The following SPTA1 variants were observed in gnomAD, a reference collection of about 807,000 sequenced individuals.
SPTA1 encodes spectrin alpha, erythrocytic 1.
Under a neutral mutation model 324.7 loss-of-function variants are expected in SPTA1, and 177 were observed. The observed-to-expected ratio is 0.55, with a 90% confidence interval of 0.48 to 0.62. The LOEUF (loss-of-function observed/expected upper bound fraction) is 0.62. Among genes scored for constraint, SPTA1 ranks in the 20% least tolerant of loss-of-function variants. The pLI is 0.00. For missense variants in SPTA1, 3,162 were observed against 2,883.6 expected, an observed-to-expected ratio of 1.10 and a Z score of -2.21; for synonymous variants, 1,195 against 1,041.3, an observed-to-expected ratio of 1.15 and a Z score of -2.84.
In SPTA1 at chr1:158,685,329, G is replaced by A; in HGVS notation, c.43C>T (p.Pro15Ser). ...PKETVVESSG[P>S]KVLETAEEIQ... ...TCTTCTGCTGTTTCCAAAACCTTTG[G>A]CCCACTGCTCTCCACAACCTGCAAG... Residue 15 changes from proline (P) to serine (S), a missense_variant, in exon 2 of 52, where the codon CCA becomes TCA. Pro to Ser is a moderately conservative substitution (Grantham distance 74). Transcript: ENST00000643759. 1.9e-6 allele frequency: 3 copies of A among 1,613,370 alleles called. No individual in the cohort carries two copies. The highest frequency in any genetic ancestry group is 1.7e-6 in the Non-Finnish European group (2 of 1,179,760).
intron 29 of SPTA1, 114 bp downstream of exon 29, chr1:158,645,074 C>T (rs1456076648): frequency 9.3e-7 from 1 of 1,073,074 alleles, no homozygotes; most frequent in African/African-American, 1.6e-5. Context: ...AGATGAGCTC[C>T]CTTTGTGTTT....
chr1:158,634,901 C>G (rs1650952970), intron 38 of SPTA1, among the ~76,000 whole-genome samples: 1 of 152,144 alleles, frequency 6.6e-6, no homozygotes, highest in South Asian at 2.1e-4. Flanking sequence ...GTGGCACCAT[C>G]TACTGTCTTA....
At chr1:158,635,488 T>C (rs893234941) in intron 38 of SPTA1, among the ~76,000 whole-genome samples, 1 of 152,158 alleles carries the variant, frequency 6.6e-6, no homozygotes, top group Admixed American at 6.5e-5. Context: ...TTTATATCAA[T>C]GTGAGAACGG....
chr1:158,683,844 TA>T (rs35392691), intron 2 of SPTA1, among the ~76,000 whole-genome samples: 114,400 of 150,776 alleles, frequency 0.76, 44,398 homozygotes, highest in South Asian at 0.9. Flanking sequence ...TAATGGTTTT[TA>T]AAAAAAAAAA....
intron 4 of SPTA1, among the ~76,000 whole-genome samples, chr1:158,681,022 G>A (rs1333129538): frequency 6.6e-6 from 1 of 152,124 alleles, no homozygotes; most frequent in Non-Finnish European, 1.5e-5. Flanking sequence ...AATTCATCCT[G>A]TTTCTACTCA....
At position 158,678,468 on chromosome 1, in the gene SPTA1, G is replaced by A; in HGVS notation, c.745C>T (p.Leu249Phe). The A allele has an allele frequency of 1.2e-6, 2 of 1,613,780 alleles. No individual in the cohort carries two copies. The highest frequency in any genetic ancestry group is 1.7e-6 in the Non-Finnish European group (2 of 1,179,806). The change falls in exon 6 of 52, where the codon CTT (leucine) becomes TTT (phenylalanine). Residue 249 changes from leucine to phenylalanine, a missense_variant. By Grantham distance (22) the Leu-to-Phe change is conservative. Transcript: ENST00000643759. Reference protein sequence around the residue: ...QNEVNAAWERLRGLALQRQKA... With the variant: ...QNEVNAAWERFRGLALQRQKA... ...TGTCTCTGGAGAGCCAAACCACGAA[G>A]GCGCTCCCAGGCAGCATTCACCTCA...
chr1:158,684,806 A>G (rs1391170346), intron 2 of SPTA1, among the ~76,000 whole-genome samples: 1 of 152,190 alleles, frequency 6.6e-6, no homozygotes, highest in Non-Finnish European at 1.5e-5. Flanking sequence ...TAAAAAATGT[A>G]TATTCTGAAT....
In SPTA1 at chr1:158,644,279, C is replaced by A. The variant is rs568705471; in HGVS notation, c.4312G>T (p.Asp1438Tyr). 1.9e-6 allele frequency: 3 copies of A among 1,613,700 alleles called. No individual in the cohort carries two copies. Among genetic ancestry groups the A allele is most frequent in the Non-Finnish European group, 2.5e-6 (3 of 1,179,892 alleles). The change falls in exon 30 of 52, where the codon GAT (aspartate) becomes TAT (tyrosine). Residue 1438 changes from aspartate (D) to tyrosine (Y), a missense_variant. Coordinates refer to ENST00000643759, the MANE Select transcript of SPTA1 (RefSeq NM_003126.4). ...TGGGCAGTGATTGCTTTGTCCAAAT[C>A]GTCCCGTTTCTTCATCAAAGCCTCC... ...SLEALMKKRDDLDKAITAQEG... is the reference protein window; with the variant it reads ...SLEALMKKRDYLDKAITAQEG...
At chr1:158,637,241 C>T (rs1039194444) in intron 36 of SPTA1, among the ~76,000 whole-genome samples, 1 of 152,136 alleles carries the variant, frequency 6.6e-6, no homozygotes, top group South Asian at 2.1e-4. Context: ...AGCATCACCA[C>T]GAAGTACAGT....
chr1:158,669,709 C>T lies in SPTA1; in HGVS notation c.1677G>A (p.Gly559=). 6.2e-7 allele frequency: 1 copy of T among 1,614,034 alleles called. No individual in the cohort carries two copies. Among genetic ancestry groups the T allele is most frequent in the Non-Finnish European group, 8.5e-7 (1 of 1,179,972 alleles). ...AGAAGCTCTAGGCCCTTGGACATACCCCGTCACGGATAGCCTTGATGTTCT... is the reference window on the plus strand; with the variant it reads ...AGAAGCTCTAGGCCCTTGGACATACTCCGTCACGGATAGCCTTGATGTTCT... ...DSENIKAIRD[G]LLARRDALRE... is the part of the protein sequence containing the mutation. Residue 559 remains glycine (G), a splice_region_variant and synonymous_variant, in exon 13 of 52, where the codon GGG becomes GGA. Coordinates refer to ENST00000643759, the MANE Select transcript of SPTA1 (RefSeq NM_003126.4).
rs1450597767 is a variant in SPTA1, at chr1:158,666,377, G to T, written c.2159C>A (p.Ala720Asp). 1 of 1,613,876 alleles carries T rather than the reference G, an allele frequency of 6.2e-7. No individual in the cohort carries two copies. The highest frequency in any genetic ancestry group is 1.1e-5 in the South Asian group (1 of 91,072). ...TTTCCTGAGTCGATTCTGTACCTCG[G>T]CCAGGCCTTTCCCATAATCCTCAGA... ...VTSEDYGKGLAEVQNRLRKHG... is the reference protein window; with the variant it reads ...VTSEDYGKGLDEVQNRLRKHG... The change falls in exon 16 of 52, where the codon GCC becomes GAC. Residue 720 changes from alanine to aspartate, a missense_variant. Transcript: ENST00000643759.
intron 5 of SPTA1, among the ~76,000 whole-genome samples, chr1:158,680,325 T>C (rs1654709282): frequency 6.6e-6 from 1 of 152,164 alleles, no homozygotes; most frequent in South Asian, 2.1e-4. Context: ...ATAGCTTCAC[T>C]GCCCATTGTG....
intron 8 of SPTA1, among the ~76,000 whole-genome samples, chr1:158,674,961 T>C (rs1654299596): frequency 6.6e-6 from 1 of 152,018 alleles, no homozygotes; most frequent in Non-Finnish European, 1.5e-5. Context: ...ACCCTAGAGG[T>C]ACTTAAAATG....
At position 158,686,632 on chromosome 1, in the gene SPTA1, G is replaced by T; in HGVS notation, c.-115C>A. 6 of 751,072 alleles carry T rather than the reference G, an allele frequency of 8.0e-6. No individual in the cohort carries two copies. Among genetic ancestry groups the T allele is most frequent in the Non-Finnish European group, 1.1e-5 (5 of 456,504 alleles). 46.5% of individuals were successfully genotyped at this position (751,072 alleles called of 1,614,324 possible). A position where few individuals can be genotyped will look rare whatever the true frequency, so the allele number is the denominator to read the frequency against. ...TCAAATAGAAATATAGAAACGTTAA[G>T]TATGTGGGGGAAAAAAAAAAACCTC... On this transcript the variant is annotated 5_prime_UTR_variant, in exon 1 of 52. Transcript: ENST00000643759.
chr1:158,615,093 C>T (rs905496912), intron 48 of SPTA1, 123 bp downstream of exon 48: 18 of 1,078,674 alleles, frequency 1.7e-5, no homozygotes, highest in Non-Finnish European at 5.6e-6. Context: ...CAGTAAAGAC[C>T]CAGAATATTG....
rs2101739616 is a variant in SPTA1 at position 158,610,781 on chromosome 1, A to G, written c.*483T>C. The G allele has an allele frequency of 6.5e-6, 1 of 152,702 alleles. No homozygotes were observed. Among genetic ancestry groups the G allele is most frequent in the East Asian group, 1.9e-4 (1 of 5,180 alleles). The allele number at this position is 152,702 out of a possible 1,614,324, so 9.5% of individuals were successfully genotyped here. On this transcript the variant is annotated 3_prime_UTR_variant, in exon 52 of 52. Transcript: ENST00000643759. ...CAAAGTTTAAAAAAATTGTTTGAAA[A>G]TTGCCTTGGATTTTATTTATCTACT...
At position 158,668,075 on chromosome 1, in the gene SPTA1, G is replaced by GAAAA. The variant is rs3039789; in HGVS notation, c.1834-17_1834-14dup. 2 of 1,476,236 alleles carry GAAAA rather than the reference G, an allele frequency of 1.4e-6. No individual in the cohort carries two copies. Among genetic ancestry groups the GAAAA allele is most frequent in the South Asian group, 1.2e-5 (1 of 82,456 alleles). 91.4% of individuals were successfully genotyped at this position (1,476,236 alleles called of 1,614,324 possible). ...AGTTCTGTATGTCCTGAGATAAGAT[G>GAAAA]AAAAAAAAAAAAAAAACCATTACCT... is the stretch of plus-strand genomic sequence containing the variant. On this transcript the variant is annotated splice_polypyrimidine_tract_variant and intron_variant, in intron 14 of 51. Transcript: ENST00000643759.
rs34072412 is a variant in SPTA1, at chr1:158,638,745, CAAAAAA to C, written c.4981-510_4981-505del. Among the ~76,000 whole-genome samples, 301 of 92,198 alleles carry C rather than the reference CAAAAAA, an allele frequency of 3.3e-3. 3 individuals are homozygous for C. The highest frequency in any genetic ancestry group is 0.012 in the African/African-American group (283 of 23,620). The allele number at this position is 92,198 out of a possible 152,430, so 60.5% of individuals were successfully genotyped here. ...GCAGGAGAATTGCTTGAGCTGGTACCAAAAAAAAAAAAAAAAAAAAAGGAAAATCTT... is the reference window on the plus strand; with the variant it reads ...GCAGGAGAATTGCTTGAGCTGGTACCAAAAAAAAAAAAAAAGGAAAATCTT... On this transcript the variant is annotated intron_variant, in intron 35 of 51. Coordinates refer to ENST00000643759, the MANE Select transcript of SPTA1 (RefSeq NM_003126.4).
At chr1:158,623,726 A>G (rs529980286) in intron 42 of SPTA1, among the ~76,000 whole-genome samples, 6 of 152,320 alleles carry the variant, frequency 3.9e-5, no homozygotes, top group East Asian at 1.9e-4. Flanking sequence ...TTAAACCTCT[A>G]TTCTTTATAA....
Sources: allele counts gnomAD v4.1 joint callset (sites outside exome capture counted in the v4.1 genomes callset), GRCh38; gene constraint gnomAD v4.1.1; transcripts MANE v1.5; gene names NCBI Gene and HGNC (gene_info 2026-07-23, HGNC 2026-07-21).